Variants in LRRC36 observed in about 807,000 individuals in gnomAD.
LRRC36 encodes the protein leucine rich repeat containing 36.
In LRRC36, 62 loss-of-function variants were observed where a neutral mutation model predicts 81.1. The observed-to-expected ratio is 0.76, with a 90% CI of 0.62 to 0.94. The LOEUF is 0.94. Ranked by LOEUF, LRRC36 falls within the 40% of genes least tolerant of loss-of-function variation. The probability of loss-of-function intolerance (pLI) is 0.00; values close to 1 mark genes in which losing one functional copy is unlikely to be tolerated. For missense variants in LRRC36, 761 were observed against 881.7 expected, an observed-to-expected ratio of 0.86 and a Z score of 1.73; for synonymous variants, 334 against 348.6, an observed-to-expected ratio of 0.96 and a Z score of 0.47.
intron 1 of LRRC36, among the ~76,000 whole-genome samples, chr16:67,337,606 C>A (rs184294726): frequency 2.0e-4 from 30 of 151,420 alleles, no homozygotes; most frequent in Admixed American, 1.7e-3. Flanking sequence ...GTGATCTGCC[C>A]ACCTCGGCCT....
chr16:67,361,050 T>G (rs2039121475), intron 5 of LRRC36, among the ~76,000 whole-genome samples: 1 of 152,168 alleles, frequency 6.6e-6, no homozygotes, highest in Non-Finnish European at 1.5e-5. Context: ...CGTTCTCTCT[T>G]TCTTGTCATT....
intron 1 of LRRC36, among the ~76,000 whole-genome samples, chr16:67,333,475 A>G (rs1597420542): frequency 6.6e-6 from 1 of 152,144 alleles, no homozygotes; most frequent in Non-Finnish European, 1.5e-5. Context: ...GTACATTTAC[A>G]ATGTTGTGCA....
In LRRC36 at chr16:67,380,902, G is replaced by A. The variant is rs1032667340; in HGVS notation, c.1931-1231G>A. ...CCTACTGCATTAAAATCTATTTTTA[G>A]CAAGATCCCCAGGTGATTTGTAAGC... On this transcript the variant is annotated intron_variant, in intron 12 of 13. Transcript: ENST00000329956. 3.9e-5 allele frequency among the ~76,000 whole-genome samples: 6 copies of A among 152,092 alleles called. No homozygotes were observed. In the East Asian group the frequency reaches 9.6e-4, roughly 24 times the overall value.
chr16:67,355,602 C>T (rs2038867723), intron 5 of LRRC36, among the ~76,000 whole-genome samples: 1 of 151,912 alleles, frequency 6.6e-6, no homozygotes, highest in South Asian at 2.1e-4. Flanking sequence ...TCTCGATCTC[C>T]TGACCTCATG....
intron 2 of LRRC36, among the ~76,000 whole-genome samples, chr16:67,344,629 A>G (rs1033612276): frequency 1.3e-5 from 2 of 152,166 alleles, no homozygotes; most frequent in South Asian, 2.1e-4. Flanking sequence ...GAGCTGGGCC[A>G]TTAGACCATG....
intron 11 of LRRC36, among the ~76,000 whole-genome samples, chr16:67,377,804 T>G (rs1040371784): frequency 1.3e-5 from 2 of 151,822 alleles, no homozygotes; most frequent in Non-Finnish European, 2.9e-5. Context: ...CCAGCTAATT[T>G]TTGTATTTTT....
chr16:67,372,266 A>T (rs1353522810), intron 9 of LRRC36, among the ~76,000 whole-genome samples: 1 of 151,818 alleles, frequency 6.6e-6, no homozygotes, highest in African/African-American at 2.4e-5. Context: ...CTGAGGCAGG[A>T]GAATCACTTG....
chr16:67,361,645 TCA>T (rs2039149338), intron 5 of LRRC36, among the ~76,000 whole-genome samples: 1 of 152,194 alleles, frequency 6.6e-6, no homozygotes, highest in African/African-American at 2.4e-5. Flanking sequence ...CGATCTCAGC[TCA>T]CAGCAACCTC....
chr16:67,366,993 T>G (rs1438403385), intron 7 of LRRC36, 24 bp from the exon 8 acceptor site: 1 of 1,556,992 alleles, frequency 6.4e-7, no homozygotes, highest in Admixed American at 2.0e-5. Context: ...TCATGTTTTG[T>G]TTTTTTGCCT....
At chr16:67,364,663 A>G (rs2039303924) in intron 6 of LRRC36, among the ~76,000 whole-genome samples, 1 of 152,208 alleles carries the variant, frequency 6.6e-6, no homozygotes, top group African/African-American at 2.4e-5. Flanking sequence ...GAGTATTGCA[A>G]TCTCCAGTTA....
intron 1 of LRRC36, among the ~76,000 whole-genome samples, chr16:67,331,069 AAG>A (rs71145966): frequency 0.4 from 46,905 of 117,982 alleles, 9,621 homozygotes; most frequent in Middle Eastern, 0.49. Flanking sequence ...GTGAGAGAGA[AAG>A]AGAGAGAGAG....
intron 5 of LRRC36, among the ~76,000 whole-genome samples, chr16:67,352,643 T>G (rs2038703013): frequency 1.7e-5 from 1 of 58,860 alleles, no homozygotes; most frequent in South Asian, 5.0e-4. Flanking sequence ...AATAAATGTC[T>G]TATTTATTTA....
chr16:67,369,219 G>A (rs3887367), intron 8 of LRRC36, among the ~76,000 whole-genome samples: 1 of 152,096 alleles, frequency 6.6e-6, no homozygotes, highest in African/African-American at 2.4e-5. Context: ...TCTGAGGACT[G>A]GTCCTGAGCC....
chr16:67,362,016 A>G (rs1462540917), intron 5 of LRRC36, among the ~76,000 whole-genome samples: 1 of 152,104 alleles, frequency 6.6e-6, no homozygotes, highest in Non-Finnish European at 1.5e-5. Context: ...AGATTGCTTG[A>G]GCCCAGGAGT....
intron 1 of LRRC36, among the ~76,000 whole-genome samples, chr16:67,329,971 A>C (rs1431037052): frequency 6.6e-6 from 1 of 152,156 alleles, no homozygotes; most frequent in African/African-American, 2.4e-5. Flanking sequence ...CAATTGGTTG[A>C]TGTATGTCTT....
At chr16:67,346,116 G>A (rs2038334416) in intron 2 of LRRC36, 140 bp from the exon 3 acceptor site, 1 of 538,132 alleles carries the variant, frequency 1.9e-6, no homozygotes, top group South Asian at 3.6e-5. Context: ...CAAGTTAAGT[G>A]AGAGTTCCAG....
At chr16:67,369,508 G>A (rs957494803) in intron 8 of LRRC36, among the ~76,000 whole-genome samples, 1 of 152,132 alleles carries the variant, frequency 6.6e-6, no homozygotes, top group South Asian at 2.1e-4. Context: ...TCACTGAGGT[G>A]AATTCAAGAA....
At chr16:67,329,194 C>G (rs1197921488) in intron 1 of LRRC36, among the ~76,000 whole-genome samples, 1 of 152,072 alleles carries the variant, frequency 6.6e-6, no homozygotes, top group East Asian at 1.9e-4. Flanking sequence ...TAAGTGCAAG[C>G]CACAGCACCT....
chr16:67,376,319 A>T (rs1217340648), intron 10 of LRRC36, among the ~76,000 whole-genome samples: 12 of 152,182 alleles, frequency 7.9e-5, no homozygotes, highest in African/African-American at 2.9e-4. Context: ...GAAAACAAAC[A>T]AACAAATGAA....
Sources: gnomAD v4.1 joint callset for allele counts (sites outside exome capture counted in the v4.1 genomes callset) on GRCh38, gnomAD v4.1.1 for gene constraint, MANE v1.5 for transcripts, NCBI Gene and HGNC (gene_info 2026-07-23, HGNC 2026-07-21) for gene names.